RIPK1: variants seen among roughly 807,000 people sequenced by gnomAD.
RIPK1 encodes the protein receptor interacting serine/threonine kinase 1.
A neutral mutation model predicts 62.4 loss-of-function variants in RIPK1; 27 were observed. The ratio of observed to expected loss-of-function variants is 0.43; its 90% CI spans 0.32 to 0.60. RIPK1 has a LOEUF of 0.60. Among genes scored for constraint, RIPK1 ranks in the 20% least tolerant of loss-of-function variants. The probability of loss-of-function intolerance (pLI) is 0.07; values close to 1 mark genes in which losing one functional copy is unlikely to be tolerated. For missense variants in RIPK1, 735 were observed against 831.0 expected (o/e 0.88, Z 1.42); for synonymous variants, 287 against 303.2 (o/e 0.95, Z 0.55).
chr6:3,109,957 G>A (rs1761068951), intron 9 of RIPK1, among the ~76,000 whole-genome samples: 1 of 152,172 alleles, frequency 6.6e-6, no homozygotes, highest in African/African-American at 2.4e-5. Context: ...AGCATGTGAT[G>A]TGATTCCCTT....
At chr6:3,068,236 C>A, upstream of RIPK1, 5 of 985,548 alleles carry the variant, frequency 5.1e-6, no homozygotes, top group South Asian at 4.7e-5. Context: ...AGCTCTGAAT[C>A]CTCCGGATAG....
intron 10 of RIPK1, among the ~76,000 whole-genome samples, chr6:3,111,888 A>G (rs139284206): frequency 9.2e-5 from 14 of 152,360 alleles, no homozygotes; most frequent in African/African-American, 2.9e-4. Flanking sequence ...CTGACAATCT[A>G]TAAGATATGG....
In RIPK1 at chr6:3,072,717, A is replaced by C. The variant is rs9503386; in HGVS notation, c.-60-4047A>C. Reference sequence around the variant, plus strand: ...ATGGAAGTGTCTAATGGGAAGACTTAGGATGGCTTCCTTGACAAAATGACA... The same window carrying C: ...ATGGAAGTGTCTAATGGGAAGACTTCGGATGGCTTCCTTGACAAAATGACA... On this transcript the variant is annotated intron_variant, in intron 1 of 10. Transcript: ENST00000259808. This position sits in a 1 kb window ranked among gnomAD's most constrained non-coding sequence, Gnocchi z 5.6. Among the ~76,000 whole-genome samples the C allele has an allele frequency of 4.3e-3, 656 of 152,282 alleles. 3 individuals are homozygous for C. Among genetic ancestry groups the C allele is most frequent in the African/African-American group, 0.015 (616 of 41,554 alleles).
At position 3,105,920 on chromosome 6, in the gene RIPK1, G is replaced by C; in HGVS notation, c.1445G>C (p.Gly482Ala). ...TTTGGAACAAGACCACTGGATCCAGGAACAGCAGGTCCCAGAGTTTGGTAC... is the reference window on the plus strand; with the variant it reads ...TTTGGAACAAGACCACTGGATCCAGCAACAGCAGGTCCCAGAGTTTGGTAC... ...HGFGTRPLDPGTAGPRVWYRP... is the reference protein window; with the variant it reads ...HGFGTRPLDPATAGPRVWYRP... The change falls in exon 9 of 11, where the codon GGA becomes GCA. Residue 482 changes from glycine to alanine, a missense_variant. By Grantham distance (60) the Gly-to-Ala change is moderately conservative. Around this residue, in one of 2 missense-constraint regions of RIPK1, gnomAD observed 671 missense variants for 726.2 expected, o/e 0.92. Transcript: ENST00000259808. This position sits in a 1 kb window ranked among gnomAD's most constrained non-coding sequence, Gnocchi z 4.5. The C allele has an allele frequency of 6.2e-7, 1 of 1,614,090 alleles. No homozygotes were observed. Among genetic ancestry groups the C allele is most frequent in the Non-Finnish European group, 8.5e-7 (1 of 1,179,994 alleles).
intron 10 of RIPK1, 111 bp downstream of exon 10, chr6:3,111,066 T>G (rs1761133075): frequency 1.3e-5 from 9 of 686,234 alleles, no homozygotes; most frequent in Non-Finnish European, 1.6e-5. Context: ...GAAAGTTTTC[T>G]TATGTTACTT....
intron 1 of RIPK1, among the ~76,000 whole-genome samples, chr6:3,071,227 C>A (rs1581374277): frequency 6.6e-6 from 1 of 152,264 alleles, no homozygotes; most frequent in East Asian, 1.9e-4. Context: ...AGGTGGGCAA[C>A]CAGCATTTTC....
At position 3,068,596 on chromosome 6, in the gene RIPK1, A is replaced by G. The variant is rs1293862364; in HGVS notation, c.-126A>G. ...ACAGCTGGGGCGCCAGAGCGCGGCC[A>G]TCCGGGCGGGGCCGACGGAGCGCGG... On this transcript the variant is annotated 5_prime_UTR_variant, in exon 1 of 11. Transcript: ENST00000259808. 1 of 985,222 alleles carries G rather than the reference A, an allele frequency of 1.0e-6. No individual in the cohort carries two copies. Among genetic ancestry groups the G allele is most frequent in the Non-Finnish European group, 1.2e-6 (1 of 829,964 alleles). The allele number at this position is 985,222 out of a possible 1,614,324, so 61.0% of individuals were successfully genotyped here.
At chr6:3,087,659 C>T (rs1322693861) in intron 6 of RIPK1, among the ~76,000 whole-genome samples, 1 of 151,908 alleles carries the variant, frequency 6.6e-6, no homozygotes, top group East Asian at 1.9e-4. Context: ...CCTGCCTCAG[C>T]CTCCCGAGTA....
intron 10 of RIPK1, among the ~76,000 whole-genome samples, chr6:3,112,293 G>T (rs1761203663): frequency 6.6e-6 from 1 of 152,172 alleles, no homozygotes; most frequent in African/African-American, 2.4e-5. Flanking sequence ...TGAACTGTTG[G>T]GCCGGGGTGG....
At chr6:3,089,176 C>T (rs887422829) in intron 6 of RIPK1, among the ~76,000 whole-genome samples, 1 of 152,156 alleles carries the variant, frequency 6.6e-6, no homozygotes, top group Non-Finnish European at 1.5e-5. Flanking sequence ...TTAAGGCTAA[C>T]AGCTGTAACC....
chr6:3,071,592 C>T (rs1758714575), intron 1 of RIPK1, among the ~76,000 whole-genome samples: 2 of 152,170 alleles, frequency 1.3e-5, no homozygotes, highest in Admixed American at 6.6e-5. Context: ...CTCACAAGGC[C>T]TTCCTAAGAT....
intron 1 of RIPK1, 64 bp downstream of exon 1, chr6:3,068,725 C>G (rs1581369380): frequency 3.1e-6 from 3 of 959,140 alleles, no homozygotes; most frequent in African/African-American, 3.5e-5. Context: ...CCGGTGACCC[C>G]CCTGGTCGGG....
intron 5 of RIPK1, among the ~76,000 whole-genome samples, chr6:3,083,582 C>G (rs561780085): frequency 6.6e-6 from 1 of 152,292 alleles, no homozygotes; most frequent in African/African-American, 2.4e-5. Context: ...TTCATACTTT[C>G]ACTCATTCAC....
intron 6 of RIPK1, among the ~76,000 whole-genome samples, chr6:3,087,589 T>G (rs1561759007): frequency 6.6e-6 from 1 of 151,108 alleles, no homozygotes; most frequent in Non-Finnish European, 1.5e-5. Flanking sequence ...GGACTCTCAC[T>G]CTGTCGCCCA....
intron 5 of RIPK1, 147 bp from the exon 6 acceptor site, chr6:3,085,112 T>C (rs1284843824): frequency 2.6e-6 from 2 of 758,262 alleles, no homozygotes; most frequent in Non-Finnish European, 4.3e-6. Flanking sequence ...TAGTGGAATA[T>C]GTCAGCTCCT....
chr6:3,074,195 C>T (rs9503388), intron 1 of RIPK1, among the ~76,000 whole-genome samples: 6,927 of 152,258 alleles, frequency 0.045, 528 homozygotes, highest in African/African-American at 0.16. Context: ...TGCCCCTGCC[C>T]ACTCAGCCTC....
chr6:3,065,511 A>G (rs527345683), upstream of RIPK1, among the ~76,000 whole-genome samples: 7 of 151,832 alleles, frequency 4.6e-5, no homozygotes, highest in Non-Finnish European at 1.0e-4. Flanking sequence ...ATGTGGGCGT[A>G]GAGGGCAGGC....
intron 7 of RIPK1, among the ~76,000 whole-genome samples, chr6:3,094,620 A>G (rs889476365): frequency 6.6e-6 from 1 of 150,638 alleles, no homozygotes; most frequent in Admixed American, 6.6e-5. Flanking sequence ...CTGAAAATTA[A>G]TTAGCCAAAC....
At chr6:3,068,443 C>G, upstream of RIPK1, 4 of 985,396 alleles carry the variant, frequency 4.1e-6, no homozygotes, top group Non-Finnish European at 4.8e-6. Context: ...GGCGCTCTCG[C>G]GGTCCTCCTC....
Sources: allele counts gnomAD v4.1 joint callset (sites outside exome capture counted in the v4.1 genomes callset), GRCh38; gene constraint gnomAD v4.1.1; regional missense constraint gnomAD v4.1.1; non-coding constraint Gnocchi (gnomAD v3.1); transcripts MANE v1.5; gene names NCBI Gene and HGNC (gene_info 2026-07-23, HGNC 2026-07-21).